Variants in SMCO4 observed in about 807,000 individuals in gnomAD.
SMCO4 encodes single-pass membrane protein with coiled-coil domains 4.
A neutral mutation model predicts 3.6 loss-of-function variants in SMCO4; 4 were observed. That is an observed-to-expected ratio of 1.11 (90% CI 0.54 to 2.53). The LOEUF (loss-of-function observed/expected upper bound fraction) is 2.53, where lower values mean the gene tolerates loss of function less well. Among genes scored for constraint, SMCO4 ranks in the 30% most tolerant of loss-of-function variants. SMCO4 has a pLI of 0.02. For synonymous variants in SMCO4, 36 were observed against 35.3 expected (o/e 1.02, Z -0.07); for missense variants, 70 against 80.8 (o/e 0.87, Z 0.51).
chr11:93,533,357 G>C (rs551080557), intron 1 of SMCO4, among the ~76,000 whole-genome samples: 44 of 152,324 alleles, frequency 2.9e-4, no homozygotes, highest in Non-Finnish European at 5.6e-4. Context: ...AGAACCTTGG[G>C]AGGAGTAAAC....
chr11:93,547,138 T>C (rs560372383), upstream of SMCO4, among the ~76,000 whole-genome samples: 20 of 152,346 alleles, frequency 1.3e-4, no homozygotes, highest in African/African-American at 2.2e-4. Context: ...AGGAATCTTA[T>C]GGAGATTTGA....
At chr11:93,533,743 C>T (rs937817673) in intron 1 of SMCO4, among the ~76,000 whole-genome samples, 3 of 152,166 alleles carry the variant, frequency 2.0e-5, no homozygotes, top group South Asian at 2.1e-4. Flanking sequence ...AGGCCTCCAC[C>T]GAAGCCTCCC....
chr11:93,517,103 A>T (rs549803716), intron 1 of SMCO4, among the ~76,000 whole-genome samples: 24 of 152,238 alleles, frequency 1.6e-4, no homozygotes, highest in Non-Finnish European at 2.5e-4. Flanking sequence ...AGAAACATAA[A>T]ATACATTTAC....
intron 1 of SMCO4, among the ~76,000 whole-genome samples, chr11:93,504,206 A>AAAAACTC (rs1420882546): frequency 3.3e-5 from 5 of 152,228 alleles, no homozygotes; most frequent in African/African-American, 1.2e-4. Context: ...CAAGAGGTCC[A>AAAAACTC]AAAACTCAAT....
intron 1 of SMCO4, among the ~76,000 whole-genome samples, chr11:93,542,721 C>G (rs2134645049): frequency 6.6e-6 from 1 of 152,170 alleles, no homozygotes; most frequent in African/African-American, 2.4e-5. Context: ...AAGGCTCTAT[C>G]CCGCCCCCGC....
At chr11:93,533,221 G>A (rs1949180002) in intron 1 of SMCO4, among the ~76,000 whole-genome samples, 1 of 152,158 alleles carries the variant, frequency 6.6e-6, no homozygotes, top group Non-Finnish European at 1.5e-5. Flanking sequence ...TGGGAAAGAG[G>A]GAGCAGGATC....
chr11:93,500,144 T>G (rs1450967631), intron 1 of SMCO4, among the ~76,000 whole-genome samples: 1 of 152,248 alleles, frequency 6.6e-6, no homozygotes, highest in African/African-American at 2.4e-5. Context: ...TGGTTTACCG[T>G]GCTTTTTGTT....
upstream of SMCO4, among the ~76,000 whole-genome samples, chr11:93,548,226 C>T (rs78577855): frequency 6.7e-3 from 1,020 of 152,246 alleles, 11 homozygotes; most frequent in African/African-American, 0.023. Context: ...TAAATGTATG[C>T]AATTCTTGTA....
intron 2 of SMCO4, among the ~76,000 whole-genome samples, chr11:93,485,872 T>C (rs528587136): frequency 1.6e-4 from 25 of 152,354 alleles, no homozygotes; most frequent in African/African-American, 5.5e-4. Flanking sequence ...TACCCCCATT[T>C]AAATGATGAA....
At chr11:93,508,876 A>G (rs1948932659) in intron 1 of SMCO4, among the ~76,000 whole-genome samples, 1 of 152,214 alleles carries the variant, frequency 6.6e-6, no homozygotes, top group African/African-American at 2.4e-5. Context: ...TTCCAGAGCA[A>G]AGTAGACCTC....
At chr11:93,521,469 A>G (rs1451144083) in intron 1 of SMCO4, among the ~76,000 whole-genome samples, 1 of 152,204 alleles carries the variant, frequency 6.6e-6, no homozygotes, top group African/African-American at 2.4e-5. Flanking sequence ...AGGTACCCTC[A>G]TCATACCCTG....
intron 1 of SMCO4, among the ~76,000 whole-genome samples, chr11:93,530,507 A>G (rs1418475060): frequency 6.6e-6 from 1 of 152,140 alleles, no homozygotes; most frequent in African/African-American, 2.4e-5. Flanking sequence ...CATCCATCTG[A>G]ACTTAGAAAA....
At chr11:93,504,299 C>T (rs564919524) in intron 1 of SMCO4, among the ~76,000 whole-genome samples, 4 of 152,232 alleles carry the variant, frequency 2.6e-5, no homozygotes, top group Non-Finnish European at 5.9e-5. Flanking sequence ...TGACTCCACT[C>T]AACCCTTGGT....
At chr11:93,534,838 C>A (rs1949204338) in intron 1 of SMCO4, among the ~76,000 whole-genome samples, 1 of 152,218 alleles carries the variant, frequency 6.6e-6, no homozygotes, top group African/African-American at 2.4e-5. Flanking sequence ...GCCTTCTCTG[C>A]CAGCCCATTG....
chr11:93,514,421 T>TATATATATATATATATAA (rs1271205813), intron 1 of SMCO4, among the ~76,000 whole-genome samples: 2 of 53,412 alleles, frequency 3.7e-5, no homozygotes, highest in African/African-American at 1.4e-4. Context: ...TATATATATA[T>TATATATATATATATATAA]AAAATTTGGT....
At chr11:93,523,289 C>G (rs1027516255) in intron 1 of SMCO4, 9 of 152,318 alleles carry the variant, frequency 5.9e-5, no homozygotes, top group African/African-American at 2.2e-4. Context: ...GCACTCCAGC[C>G]TGGGTTACAG....
rs1050894725 is a variant in SMCO4, at chr11:93,478,744, C to T, written c.*266G>A. 1.3e-6 allele frequency: 1 copy of T among 744,976 alleles called. No individual in the cohort carries two copies. 46.1% of individuals were successfully genotyped at this position (744,976 alleles called of 1,614,324 possible). ...ACACACACACACACACACACACACA[C>T]ACACACACATGCGCGCGCGCTTTGA... is the stretch of plus-strand genomic sequence containing the variant. On this transcript the variant is annotated 3_prime_UTR_variant, in exon 3 of 3. Coordinates refer to ENST00000298966, the MANE Select transcript of SMCO4 (RefSeq NM_020179.3).
At chr11:93,540,187 T>C (rs1487760166) in intron 1 of SMCO4, among the ~76,000 whole-genome samples, 2 of 152,192 alleles carry the variant, frequency 1.3e-5, no homozygotes, top group Non-Finnish European at 1.5e-5. Context: ...TTTAAGCCTT[T>C]TCCCCCTGAG....
intron 1 of SMCO4, among the ~76,000 whole-genome samples, chr11:93,542,287 G>A (rs561779033): frequency 1.4e-4 from 21 of 152,282 alleles, no homozygotes; most frequent in Non-Finnish European, 2.4e-4. Flanking sequence ...GAGCAGATGC[G>A]CTGTTGGGCT....
Sources: gnomAD v4.1 joint callset for allele counts (sites outside exome capture counted in the v4.1 genomes callset) on GRCh38, gnomAD v4.1.1 for gene constraint, MANE v1.5 for transcripts, NCBI Gene and HGNC (gene_info 2026-07-23, HGNC 2026-07-21) for gene names.